Variants in MIGA1 observed in about 807,000 individuals in gnomAD.
MIGA1 encodes the protein family with sequence similarity 73, member A.
In MIGA1, 58 loss-of-function variants were observed where a neutral mutation model predicts 82.0. The observed-to-expected ratio is 0.71, with a 90% CI of 0.57 to 0.88. MIGA1 has a LOEUF of 0.88. Among genes scored for constraint, MIGA1 ranks in the 40% least tolerant of loss-of-function variants. The pLI is 0.00. For synonymous variants in MIGA1, 249 were observed against 253.6 expected (o/e 0.98, Z 0.17); for missense variants, 751 against 749.1 (o/e 1.00, Z -0.03).
chr1:77,779,957 G>T (rs72683701), intron 1 of MIGA1: 46,188 of 1,355,860 alleles, frequency 0.034, 877 homozygotes, highest in Non-Finnish European at 0.039. Context: ...AGCTAAGCAG[G>T]GTCGGGCCTG....
In MIGA1 at chr1:77,779,865, G is replaced by A. The variant is rs553183860; in HGVS notation, c.81+129G>A. The A allele has an allele frequency of 1.3e-4, 185 of 1,431,318 alleles. No individual in the cohort carries two copies. In the African/African-American group the frequency reaches 2.4e-3, roughly 19 times the overall value. 88.7% of individuals were successfully genotyped at this position (1,431,318 alleles called of 1,614,324 possible). The stretch of plus-strand genomic sequence containing the variant: ...GACTCCATCGCTGGCGTTAGCTCTC[G>A]GAGTGCCAGGTGGAGCGGCGGAAAG... On this transcript the variant is annotated intron_variant, in intron 1 of 15. Coordinates refer to ENST00000370791, the MANE Select transcript of MIGA1 (RefSeq NM_198549.4).
chr1:77,858,894 A>G (rs376424952), intron 8 of MIGA1, 44 bp from the exon 9 acceptor site: 3 of 1,132,372 alleles, frequency 2.6e-6, no homozygotes, highest in Non-Finnish European at 4.0e-6. Context: ...GGCATGAGCC[A>G]CTGCACCTAG....
At chr1:77,830,914 C>CCT (rs1684218443) in intron 7 of MIGA1, among the ~76,000 whole-genome samples, 1 of 152,124 alleles carries the variant, frequency 6.6e-6, no homozygotes, top group South Asian at 2.1e-4. Context: ...GGCTAATGTG[C>CCT]CTATTTTCAG....
At chr1:77,801,735 A>G (rs978416946) in intron 3 of MIGA1, among the ~76,000 whole-genome samples, 1 of 152,202 alleles carries the variant, frequency 6.6e-6, no homozygotes, top group Non-Finnish European at 1.5e-5. Flanking sequence ...ACTTTCATGT[A>G]TATCAGTCCA....
intron 5 of MIGA1, among the ~76,000 whole-genome samples, chr1:77,808,748 G>A (rs1302538003): frequency 6.6e-6 from 1 of 152,198 alleles, no homozygotes; most frequent in African/African-American, 2.4e-5. Context: ...TGGCCAGTGA[G>A]CAATGAAGGG....
intron 2 of MIGA1, among the ~76,000 whole-genome samples, chr1:77,791,115 A>G (rs1342748577): frequency 6.6e-6 from 1 of 152,006 alleles, no homozygotes; most frequent in Non-Finnish European, 1.5e-5. Context: ...GCATGGTGGT[A>G]GGTGCCTATA....
intron 2 of MIGA1, among the ~76,000 whole-genome samples, chr1:77,789,043 G>A (rs1682296745): frequency 6.6e-6 from 1 of 151,904 alleles, no homozygotes; most frequent in Non-Finnish European, 1.5e-5. Flanking sequence ...CTATGAACAT[G>A]GGATGTGTTT....
intron 2 of MIGA1, among the ~76,000 whole-genome samples, chr1:77,799,402 G>A (rs1557899238): frequency 6.6e-6 from 1 of 152,208 alleles, no homozygotes. Flanking sequence ...TTTAAGCCAT[G>A]ATGTTTGGTA....
Position 77,827,336 on chromosome 1 carries a change from T to C in MIGA1, c.895+12105T>C, listed in dbSNP as rs1195663076. ...AAAAAAATTCTCTGGAAGCTGGGTG[T>C]GTTGACTCACGCCTGTAGTCTCAGC... On this transcript the variant is annotated intron_variant, in intron 7 of 15. Transcript: ENST00000370791. Among the ~76,000 whole-genome samples the C allele has an allele frequency of 2.6e-5, 4 of 152,234 alleles. No individual in the cohort carries two copies. In the East Asian group the frequency reaches 7.7e-4, roughly 29 times the overall value.
At chr1:77,870,484 T>G (rs1685921981) in intron 14 of MIGA1, among the ~76,000 whole-genome samples, 8 of 73,738 alleles carry the variant, frequency 1.1e-4, no homozygotes, top group African/African-American at 1.6e-4. Flanking sequence ...TCTCAGACGA[T>G]GGGCGGCCGG....
rs766162979 is a variant in MIGA1 at position 77,873,072 on chromosome 1, C to G, written c.1632C>G (p.Gly544=). The stretch of plus-strand genomic sequence containing the variant: ...ACATCAGTCCTGTCCTAGCCTGGGG[C>G]TTTTTGGGTCCTAGAAATTCTCTGT... Residue 544 remains glycine (G), a synonymous_variant, in exon 15 of 16, where the codon GGC becomes GGG. Coordinates refer to ENST00000370791, the MANE Select transcript of MIGA1 (RefSeq NM_198549.4). 4 of 1,613,664 alleles carry G rather than the reference C, an allele frequency of 2.5e-6. No homozygotes were observed. The East Asian group carries it at 8.9e-5, about 36-fold the overall frequency.
chr1:77,847,251 AGCT>A (rs1684878579), intron 8 of MIGA1: 1 of 1,031,480 alleles, frequency 9.7e-7, no homozygotes, highest in African/African-American at 1.6e-5. Flanking sequence ...TTCAGAGGGA[AGCT>A]GCTAAGAAGC....
chr1:77,846,419 A>G (rs1466628765), intron 8 of MIGA1, among the ~76,000 whole-genome samples: 1 of 152,090 alleles, frequency 6.6e-6, no homozygotes, highest in East Asian at 1.9e-4. Flanking sequence ...TCCATTTTTT[A>G]TAGAATTACC....
chr1:77,847,099 G>A, intron 8 of MIGA1: 1 of 828,716 alleles, frequency 1.2e-6, no homozygotes, highest in Admixed American at 1.7e-5. Flanking sequence ...CAGTAGATAT[G>A]GGAACAAGAT....
chr1:77,868,818 A>T (rs900941474), intron 14 of MIGA1, among the ~76,000 whole-genome samples: 2 of 152,182 alleles, frequency 1.3e-5, no homozygotes, highest in Non-Finnish European at 2.9e-5. Flanking sequence ...CAGTTTATTT[A>T]ACCCCTCTCC....
chr1:77,805,512 T>G (rs12069694), intron 4 of MIGA1, among the ~76,000 whole-genome samples: 1 of 139,188 alleles, frequency 7.2e-6, no homozygotes, highest in Non-Finnish European at 1.5e-5. Context: ...GGAATATACC[T>G]ATTCTTTTTT....
chr1:77,844,937 G>A (rs997403694), intron 8 of MIGA1, among the ~76,000 whole-genome samples: 5 of 152,080 alleles, frequency 3.3e-5, no homozygotes, highest in African/African-American at 1.2e-4. Context: ...TGCCAAGATC[G>A]CACCACTGCA....
chr1:77,839,497 AGAAGCTG>A, intron 7 of MIGA1, among the ~76,000 whole-genome samples: 1 of 151,706 alleles, frequency 6.6e-6, no homozygotes, highest in Non-Finnish European at 1.5e-5. Context: ...CAGCCTCCCG[AGAAGCTG>A]GAACTTTAGG....
At chr1:77,780,519 G>A (rs563535960) in intron 1 of MIGA1, among the ~76,000 whole-genome samples, 114 of 152,256 alleles carry the variant, frequency 7.5e-4, no homozygotes, top group African/African-American at 2.6e-3. Flanking sequence ...TTTTCTTTTT[G>A]ATACTTCAGA....
Sources: gnomAD v4.1 joint callset for allele counts (sites outside exome capture counted in the v4.1 genomes callset) on GRCh38, gnomAD v4.1.1 for gene constraint, MANE v1.5 for transcripts, NCBI Gene and HGNC (gene_info 2026-07-23, HGNC 2026-07-21) for gene names.